The following CDH9 variants were observed in gnomAD, a reference collection of about 807,000 sequenced individuals.
The protein encoded by CDH9 is cadherin 9.
Under a neutral mutation model 70.9 loss-of-function variants are expected in CDH9, and 28 were observed. The ratio of observed to expected loss-of-function variants is 0.40; its 90% CI spans 0.29 to 0.54. The LOEUF is 0.54. Ranked by LOEUF, CDH9 falls within the 20% of genes least tolerant of loss-of-function variation. The probability of loss-of-function intolerance (pLI) is 0.59; values close to 1 mark genes in which losing one functional copy is unlikely to be tolerated. For synonymous variants in CDH9, 409 were observed against 343.1 expected, an observed-to-expected ratio of 1.19 and a Z score of -2.12; for missense variants, 874 against 984.4, an observed-to-expected ratio of 0.89 and a Z score of 1.50.
intron 2 of CDH9, among the ~76,000 whole-genome samples, chr5:26,960,818 C>T (rs1032515292): frequency 6.6e-6 from 1 of 151,622 alleles, no homozygotes; most frequent in African/African-American, 2.4e-5. Flanking sequence ...CACTGAAAAT[C>T]TGGGCATCCT....
At chr5:26,952,634 C>CAAAAAAAA (rs35876875) in intron 2 of CDH9, among the ~76,000 whole-genome samples, 2 of 57,832 alleles carry the variant, frequency 3.5e-5, no homozygotes, top group African/African-American at 6.3e-5. Flanking sequence ...GACTCCGTCT[C>CAAAAAAAA]AAAAAAAAAA....
intron 1 of CDH9, among the ~76,000 whole-genome samples, chr5:27,031,970 T>C (rs1480875820): frequency 6.6e-6 from 1 of 151,906 alleles, no homozygotes; most frequent in Non-Finnish European, 1.5e-5. Flanking sequence ...TGAAACTTAC[T>C]TTCCTATTTA....
chr5:26,927,834 G>A (rs113161975), intron 2 of CDH9, among the ~76,000 whole-genome samples: 14,417 of 151,714 alleles, frequency 0.095, 855 homozygotes, highest in East Asian at 0.17. Flanking sequence ...TGGACCCCTT[G>A]TAATTCCATG....
intron 2 of CDH9, among the ~76,000 whole-genome samples, chr5:26,974,838 G>A (rs542325100): frequency 2.6e-5 from 4 of 152,080 alleles, no homozygotes; most frequent in African/African-American, 9.6e-5. Context: ...GTGTGCGTGT[G>A]TGTTGAGAAA....
At chr5:26,895,932 C>A (rs1233967712) in intron 7 of CDH9, among the ~76,000 whole-genome samples, 20 of 151,950 alleles carry the variant, frequency 1.3e-4, no homozygotes, top group Non-Finnish European at 2.8e-4. Flanking sequence ...TTTCTTCACA[C>A]TATAATTGGA....
chr5:26,920,876 C>T (rs12153599), intron 2 of CDH9, among the ~76,000 whole-genome samples: 11,769 of 152,134 alleles, frequency 0.077, 643 homozygotes, highest in South Asian at 0.21. Context: ...ATACTTGAGA[C>T]GCCTTCCCAA....
chr5:26,990,477 G>A (rs1486230047), intron 1 of CDH9, among the ~76,000 whole-genome samples: 1 of 152,110 alleles, frequency 6.6e-6, no homozygotes, highest in East Asian at 1.9e-4. Context: ...TCAGGTCATG[G>A]TTATTATCAT....
At chr5:27,026,437 CCTT>C (rs765524761) in intron 1 of CDH9, among the ~76,000 whole-genome samples, 2 of 151,854 alleles carry the variant, frequency 1.3e-5, no homozygotes, top group Non-Finnish European at 2.9e-5. Context: ...TCAAATGTCA[CCTT>C]CTCCAAGAAA....
intron 7 of CDH9, among the ~76,000 whole-genome samples, chr5:26,901,725 A>G (rs1016769652): frequency 5.9e-5 from 9 of 151,822 alleles, no homozygotes; most frequent in South Asian, 2.1e-4. Flanking sequence ...ATTAATCTAT[A>G]TATGCCCCAA....
At chr5:27,028,084 T>C (rs765272425) in intron 1 of CDH9, among the ~76,000 whole-genome samples, 25 of 151,928 alleles carry the variant, frequency 1.6e-4, no homozygotes, top group Non-Finnish European at 3.2e-4. Context: ...GTTTTTGTGA[T>C]CAAGAATTTC....
At chr5:26,929,472 G>A (rs1319493155) in intron 2 of CDH9, among the ~76,000 whole-genome samples, 2 of 151,836 alleles carry the variant, frequency 1.3e-5, no homozygotes, top group Non-Finnish European at 2.9e-5. Flanking sequence ...CATATGATTC[G>A]GCAATCCCAC....
At chr5:26,881,888 T>C (rs1740474101) in intron 11 of CDH9, among the ~76,000 whole-genome samples, 1 of 152,098 alleles carries the variant, frequency 6.6e-6, no homozygotes, top group African/African-American at 2.4e-5. Flanking sequence ...ACAACTATTA[T>C]ATTTATCCAA....
At chr5:26,948,333 C>T (rs868371925) in intron 2 of CDH9, among the ~76,000 whole-genome samples, 9 of 152,080 alleles carry the variant, frequency 5.9e-5, no homozygotes, top group Non-Finnish European at 1.0e-4. Context: ...ACTGATGGGC[C>T]GAGAGATGAA....
chr5:26,889,891 G>A lies in CDH9; in HGVS notation c.1457C>T (p.Pro486Leu), dbSNP rs1169939507. Residue 486 changes from proline to leucine, a missense_variant, in exon 9 of 12, where the codon CCG becomes CTG. Physicochemically the swap from Pro to Leu is moderately conservative, Grantham distance 98. Coordinates refer to ENST00000231021, the MANE Select transcript of CDH9 (RefSeq NM_016279.4). ...IRILDINDHAPEFAMYYETFV... is the reference protein window; with the variant it reads ...IRILDINDHALEFAMYYETFV... ...TGTTTCATAATACATGGCAAATTCC[G>A]GAGCATGGTCATTTATATCTAGAAT... 4.4e-6 allele frequency: 7 copies of A among 1,602,692 alleles called. No individual in the cohort carries two copies. The highest frequency in any genetic ancestry group is 1.3e-5 in the African/African-American group (1 of 74,454).
At chr5:26,993,834 C>A (rs1020545971) in intron 1 of CDH9, among the ~76,000 whole-genome samples, 2 of 151,416 alleles carry the variant, frequency 1.3e-5, no homozygotes, top group African/African-American at 4.9e-5. Context: ...ATAGTTTCTT[C>A]ACAGGGCTTC....
At chr5:26,942,318 A>T (rs1741676815) in intron 2 of CDH9, among the ~76,000 whole-genome samples, 1 of 152,196 alleles carries the variant, frequency 6.6e-6, no homozygotes, top group Middle Eastern at 3.4e-3. Context: ...CCCACAACAC[A>T]TGGGGATTGT....
At chr5:26,954,444 G>C (rs1394714926) in intron 2 of CDH9, among the ~76,000 whole-genome samples, 2 of 130,852 alleles carry the variant, frequency 1.5e-5, no homozygotes, top group Non-Finnish European at 3.1e-5. Flanking sequence ...GAGTGCAGTG[G>C]CGCCATCTCG....
chr5:26,923,012 C>T (rs1353224258), intron 2 of CDH9, among the ~76,000 whole-genome samples: 1 of 133,344 alleles, frequency 7.5e-6, no homozygotes, highest in Non-Finnish European at 1.6e-5. Flanking sequence ...TCAATAATAA[C>T]AATAGATGTA....
At chr5:26,928,838 A>G (rs1368458225) in intron 2 of CDH9, among the ~76,000 whole-genome samples, 2 of 152,118 alleles carry the variant, frequency 1.3e-5, no homozygotes, top group African/African-American at 4.8e-5. Flanking sequence ...TACAAAAATT[A>G]AATCAAAATG....
Sources: allele counts gnomAD v4.1 joint callset (sites outside exome capture counted in the v4.1 genomes callset), GRCh38; gene constraint gnomAD v4.1.1; transcripts MANE v1.5; gene names NCBI Gene and HGNC (gene_info 2026-07-23, HGNC 2026-07-21).